Variants in CRYBG1 observed in about 807,000 individuals in gnomAD.
CRYBG1 encodes the protein crystallin beta-gamma domain containing 1, also known as beta/gamma crystallin domain-containing protein 1.
In CRYBG1, 139 loss-of-function variants were observed where a neutral mutation model predicts 189.2. The observed-to-expected ratio is 0.73, with a 90% confidence interval of 0.64 to 0.85. The LOEUF is 0.85. CRYBG1 is among the 40% of genes least tolerant of loss of function. CRYBG1 has a pLI of 0.00. For missense variants in CRYBG1, 2,611 were observed against 2,675.8 expected, an observed-to-expected ratio of 0.98 and a Z score of 0.53; for synonymous variants, 1,023 against 1,017.1, an observed-to-expected ratio of 1.01 and a Z score of -0.11.
At chr6:106,394,965 C>G (rs912795854) in intron 1 of CRYBG1, among the ~76,000 whole-genome samples, 4 of 151,276 alleles carry the variant, frequency 2.6e-5, no homozygotes, top group African/African-American at 4.9e-5. Context: ...AAGTGATTCT[C>G]CTGTCTCAGC....
Position 106,521,143 on chromosome 6 carries a change from T to TC in CRYBG1, c.3936dup (p.Asn1313GlnfsTer43). On this transcript the variant is annotated frameshift_variant, in exon 4 of 22. Transcript: ENST00000633556. LOFTEE classifies it high-confidence loss of function. ...CTGCCCGACAACTCCTTAAAGGTCTTCAATTTCAACTCGTCAAGTACATCA... is the reference window on the plus strand; with the variant it reads ...CTGCCCGACAACTCCTTAAAGGTCTTCCAATTTCAACTCGTCAAGTACATCA... The TC allele has an allele frequency of 6.2e-7, 1 of 1,614,162 alleles. No homozygotes were observed. The highest frequency in any genetic ancestry group is 8.5e-7 in the Non-Finnish European group (1 of 1,180,026).
chr6:106,552,326 C>T (rs753927493), intron 15 of CRYBG1, 110 bp downstream of exon 15: 29 of 748,720 alleles, frequency 3.9e-5, no homozygotes, highest in East Asian at 1.0e-4. Context: ...TGGCTCACGC[C>T]TGTAATCCCA....
chr6:106,443,763 A>G (rs983071892), intron 1 of CRYBG1, among the ~76,000 whole-genome samples: 1 of 152,174 alleles, frequency 6.6e-6, no homozygotes, highest in Non-Finnish European at 1.5e-5. Flanking sequence ...ATATTTATAG[A>G]ATACATGAGA....
chr6:106,401,972 C>G (rs1189448589), intron 1 of CRYBG1, among the ~76,000 whole-genome samples: 1 of 151,234 alleles, frequency 6.6e-6, no homozygotes, highest in Non-Finnish European at 1.5e-5. Flanking sequence ...AATCAATGTA[C>G]AAAAATCACA....
chr6:106,485,702 A>G (rs188501429), intron 2 of CRYBG1, among the ~76,000 whole-genome samples: 31 of 152,334 alleles, frequency 2.0e-4, no homozygotes, highest in Non-Finnish European at 4.0e-4. Flanking sequence ...GGGATGTTAA[A>G]TTTATCAACT....
At chr6:106,367,835 C>T (rs1305311974) in intron 1 of CRYBG1, among the ~76,000 whole-genome samples, 2 of 151,084 alleles carry the variant, frequency 1.3e-5, no homozygotes, top group African/African-American at 4.9e-5. Flanking sequence ...GGTGTGGTGG[C>T]ACACACCTGT....
intron 1 of CRYBG1, among the ~76,000 whole-genome samples, chr6:106,391,309 T>C (rs545812824): frequency 6.6e-6 from 1 of 152,338 alleles, no homozygotes; most frequent in South Asian, 2.1e-4. Context: ...CTTGATCTCC[T>C]GACCTCAGGT....
chr6:106,472,026 G>C (rs1772243094), intron 2 of CRYBG1, among the ~76,000 whole-genome samples: 1 of 152,176 alleles, frequency 6.6e-6, no homozygotes, highest in Admixed American at 6.5e-5. Flanking sequence ...CTTACTCTCT[G>C]AGCGTTATGC....
At chr6:106,549,209 T>A (rs1774342271) in intron 13 of CRYBG1, among the ~76,000 whole-genome samples, 1 of 152,154 alleles carries the variant, frequency 6.6e-6, no homozygotes, top group Admixed American at 6.5e-5. Context: ...TACTGTTGCT[T>A]CCTTTCATGC....
chr6:106,426,390 T>C (rs554922971), intron 1 of CRYBG1, among the ~76,000 whole-genome samples: 17 of 152,238 alleles, frequency 1.1e-4, no homozygotes, highest in African/African-American at 3.9e-4. Context: ...CCACAGCCAC[T>C]CATTTATCTG....
At chr6:106,501,040 T>C (rs1030278827) in intron 2 of CRYBG1, among the ~76,000 whole-genome samples, 1 of 152,182 alleles carries the variant, frequency 6.6e-6, no homozygotes, top group East Asian at 1.9e-4. Flanking sequence ...ATTTGGTAAA[T>C]ATTTAAGTGC....
In CRYBG1 at chr6:106,367,857, C is replaced by T. The variant is rs981574687; in HGVS notation, c.173+6776C>T. On this transcript the variant is annotated intron_variant, in intron 1 of 21. Coordinates refer to ENST00000633556, the MANE Select transcript of CRYBG1 (RefSeq NM_001371242.2). ...TGGCACACACCTGTGGTCTCAGCTA[C>T]TGGGGAGGCTGAAGTGGGAGGATCA... Among the ~76,000 whole-genome samples, 6 of 150,404 alleles carry T rather than the reference C, an allele frequency of 4.0e-5. No individual in the cohort carries two copies. The South Asian group carries it at 1.3e-3, about 31-fold the overall frequency.
chr6:106,451,942 T>A, intron 2 of CRYBG1, 110 bp downstream of exon 2: 4 of 695,138 alleles, frequency 5.8e-6, no homozygotes, highest in East Asian at 3.8e-5. Flanking sequence ...ATGGTATATA[T>A]TGTATATCAT....
intron 1 of CRYBG1, among the ~76,000 whole-genome samples, chr6:106,448,941 C>T (rs1410658516): frequency 1.3e-5 from 2 of 152,184 alleles, no homozygotes; most frequent in Admixed American, 1.3e-4. Flanking sequence ...CTCTATGTGA[C>T]AGCTAGAAAT....
intron 2 of CRYBG1, among the ~76,000 whole-genome samples, chr6:106,456,319 AT>A (rs34545384): frequency 0.13 from 18,416 of 142,184 alleles, 2,085 homozygotes; most frequent in African/African-American, 0.31. Flanking sequence ...ATGCCCAGCT[AT>A]TTTTTTTTTT....
chr6:106,384,778 A>T (rs375148563), intron 1 of CRYBG1, among the ~76,000 whole-genome samples: 11 of 152,118 alleles, frequency 7.2e-5, no homozygotes, highest in African/African-American at 2.6e-4. Flanking sequence ...CTAATTTGTG[A>T]TCTCAAGCAG....
In CRYBG1 at chr6:106,504,029, G is replaced by GAAAAA. The variant is rs33971164; in HGVS notation, c.313-7386_313-7382dup. On this transcript the variant is annotated intron_variant, in intron 2 of 21. Coordinates refer to ENST00000633556, the MANE Select transcript of CRYBG1 (RefSeq NM_001371242.2). Reference sequence around the variant, plus strand: ...TGTTTGGCCTGAAGTGACAGCATTAGAAAAAAAAAAAAAAAAAAACCACAA... The same window carrying GAAAAA: ...TGTTTGGCCTGAAGTGACAGCATTAGAAAAAAAAAAAAAAAAAAAAAAAACCACAA... 9.0e-5 allele frequency among the ~76,000 whole-genome samples: 8 copies of GAAAAA among 88,526 alleles called. 1 individual carries two copies. The highest frequency in any genetic ancestry group is 1.4e-4 in the Non-Finnish European group (6 of 44,108). The allele number at this position is 88,526 out of a possible 152,430, so 58.1% of individuals were successfully genotyped here. A position where few individuals can be genotyped will look rare whatever the true frequency, so the allele number is the denominator to read the frequency against.
chr6:106,371,621 A>T (rs1345643594), intron 1 of CRYBG1, among the ~76,000 whole-genome samples: 2 of 152,238 alleles, frequency 1.3e-5, no homozygotes, highest in African/African-American at 4.8e-5. Context: ...ATCAATCAGG[A>T]GTCCTTCATT....
Position 106,521,168 on chromosome 6 carries a change from A to G in CRYBG1, c.3960A>G (p.Ser1320=). The G allele has an allele frequency of 6.2e-7, 1 of 1,614,182 alleles. No individual in the cohort carries two copies. Among genetic ancestry groups the G allele is most frequent in the East Asian group, 2.2e-5 (1 of 44,892 alleles). The change falls in exon 4 of 22, where the codon TCA becomes TCG. Residue 1320 remains serine, a synonymous_variant. Coordinates refer to ENST00000633556, the MANE Select transcript of CRYBG1 (RefSeq NM_001371242.2). The stretch of plus-strand genomic sequence containing the variant: ...TCAATTTCAACTCGTCAAGTACATC[A>G]CACTCCAGTTTGAAAAGTCCAAGCC... ...KVFNFNSSST[S]HSSLKSPSHM... is the part of the protein sequence containing the mutation.
Sources: allele counts gnomAD v4.1 joint callset (sites outside exome capture counted in the v4.1 genomes callset), GRCh38; gene constraint gnomAD v4.1.1; transcripts MANE v1.5; gene names NCBI Gene and HGNC (gene_info 2026-07-23, HGNC 2026-07-21).